Variants in PLXNA3 observed in about 807,000 individuals in gnomAD.
The protein encoded by PLXNA3 is plexin-A3.
Under a neutral mutation model 118.8 loss-of-function variants are expected in PLXNA3, and 52 were observed. That is an observed-to-expected ratio of 0.44 (90% CI 0.35 to 0.55). The LOEUF (loss-of-function observed/expected upper bound fraction) is 0.55. Among genes scored for constraint, PLXNA3 ranks in the 20% least tolerant of loss-of-function variants. The pLI, the probability that PLXNA3 is intolerant of heterozygous loss-of-function variation, is 0.01. For missense variants in PLXNA3, 1,660 were observed against 1,730.8 expected (o/e 0.96, Z 0.73); for synonymous variants, 925 against 762.4 (o/e 1.21, Z -3.51).
Position 154,467,559 on chromosome X carries a change from T to G in PLXNA3, c.3456T>G (p.Ile1152Met). The G allele has an allele frequency of 5.1e-6, 6 of 1,183,257 alleles. No individual in the cohort carries two copies. The highest frequency in any genetic ancestry group is 6.8e-6 in the Non-Finnish European group (6 of 881,735). ...TCCACCCCCAGGGCAAGAACCTGAT[T>G]CCCGCTGCAGCCGGCAGCTCCCGCC... ...SHVVLKGKNL[I>M]PAAAGSSRLN... The change falls in exon 20 of 33, where the codon ATT (isoleucine) becomes ATG (methionine). Residue 1152 changes from isoleucine (I) to methionine (M), a missense_variant. Coordinates refer to ENST00000369682, the MANE Select transcript of PLXNA3 (RefSeq NM_017514.5).
chrX:154,470,583 G>A lies in PLXNA3; in HGVS notation c.5128G>A (p.Asp1710Asn). 8.3e-7 allele frequency: 1 copy of A among 1,211,147 alleles called. No homozygotes were observed. The highest frequency in any genetic ancestry group is 1.1e-6 in the Non-Finnish European group (1 of 895,188). Reference protein sequence around the residue: ...QADQRQISDPDVRHTWKSNCL... With the variant: ...QADQRQISDPNVRHTWKSNCL... ...GGACCAGCGCCAGATCAGCGACCCCGATGTGCGCCACACCTGGAAGAGCAA... is the reference window on the plus strand; with the variant it reads ...GGACCAGCGCCAGATCAGCGACCCCAATGTGCGCCACACCTGGAAGAGCAA... Residue 1710 changes from aspartate (D) to asparagine (N), a missense_variant, in exon 30 of 33, where the codon GAT becomes AAT. Coordinates refer to ENST00000369682, the MANE Select transcript of PLXNA3 (RefSeq NM_017514.5).
At chrX:154,466,310 T>G in intron 15 of PLXNA3, 40 bp downstream of exon 15, 1 of 1,210,049 alleles carries the variant, frequency 8.3e-7, no homozygotes, top group Non-Finnish European at 1.1e-6. Flanking sequence ...GTCCCTTCTC[T>G]CTCCCGCAAG....
intron 32 of PLXNA3, 130 bp downstream of exon 32, chrX:154,471,768 A>G: frequency 1.8e-6 from 1 of 563,389 alleles, no homozygotes; most frequent in Non-Finnish European, 2.8e-6. Context: ...GGGCCGGCAC[A>G]GGTGATGCTC....
chrX:154,470,704 C>T, intron 30 of PLXNA3, 93 bp downstream of exon 30: 1 of 873,534 alleles, frequency 1.1e-6, no homozygotes, highest in East Asian at 3.1e-5. Flanking sequence ...CCTGGAGTAG[C>T]ATCCAGGCAG....
Position 154,461,408 on chromosome X carries a change from C to G in PLXNA3, c.904C>G (p.Leu302Val), listed in dbSNP as rs781976200. The G allele has an allele frequency of 8.3e-7, 1 of 1,211,612 alleles. No individual in the cohort carries two copies. Among genetic ancestry groups the G allele is most frequent in the Non-Finnish European group, 1.1e-6 (1 of 895,161 alleles). Reference protein sequence around the residue: ...VQSAHLAKPGLLLAQALGVPA... With the variant: ...VQSAHLAKPGVLLAQALGVPA... ...GAGCGCCCACCTGGCCAAGCCTGGC[C>G]TGCTGCTGGCCCAGGCCCTGGGCGT... The change falls in exon 3 of 33, where the codon CTG becomes GTG. Residue 302 changes from leucine to valine, a missense_variant. By Grantham distance (32) the Leu-to-Val change is conservative (BLOSUM62 1). This residue lies in a region of PLXNA3 where 791 missense variants were observed against 652.1 expected (regional missense o/e 1.21). Coordinates refer to ENST00000369682, the MANE Select transcript of PLXNA3 (RefSeq NM_017514.5).
chrX:154,460,823 T>A (rs189856273), intron 2 of PLXNA3, 46 bp downstream of exon 2: 1 of 950,599 alleles, frequency 1.1e-6, no homozygotes. Flanking sequence ...GTCCTGGCTC[T>A]GCCTCCCAGA....
chrX:154,466,108 C>T, intron 14 of PLXNA3, 28 bp downstream of exon 14: 2 of 1,209,431 alleles, frequency 1.7e-6, no homozygotes, highest in Non-Finnish European at 2.2e-6. Context: ...GGTGCCCGGG[C>T]CGTATGTGGC....
rs372617580 is a variant in PLXNA3 at position 154,464,776 on chromosome X, C to T, written c.1951C>T (p.Pro651Ser). Residue 651 changes from proline to serine, a missense_variant, in exon 10 of 33, where the codon CCT becomes TCT. Physicochemically the swap from Pro to Ser is moderately conservative, Grantham distance 74. Around this residue, in one of 2 missense-constraint regions of PLXNA3, gnomAD observed 791 missense variants for 652.1 expected, o/e 1.21. Coordinates refer to ENST00000369682, the MANE Select transcript of PLXNA3 (RefSeq NM_017514.5). ...CAGGTGCATGTCCTGTGTTGGCAGCCCTTACCCCTGCCACTGGTGTAAGTA... is the reference window on the plus strand; with the variant it reads ...CAGGTGCATGTCCTGTGTTGGCAGCTCTTACCCCTGCCACTGGTGTAAGTA... ...LQSCMSCVGS[P>S]YPCHWCKYRH... is the part of the protein sequence containing the mutation. 3 of 1,196,730 alleles carry T rather than the reference C, an allele frequency of 2.5e-6. No individual in the cohort carries two copies. The East Asian group carries it at 9.0e-5, about 36-fold the overall frequency.
chrX:154,459,655 A>G, intron 1 of PLXNA3, among the ~76,000 whole-genome samples: 1 of 112,287 alleles, frequency 8.9e-6, no homozygotes, highest in East Asian at 2.8e-4. Context: ...CCTGCAGGGG[A>G]CATGGTGGTG....
intron 11 of PLXNA3, 97 bp downstream of exon 11, chrX:154,465,315 A>G: frequency 9.6e-7 from 1 of 1,046,511 alleles, no homozygotes; most frequent in African/African-American, 1.8e-5. Flanking sequence ...GAACTGTCTG[A>G]GTCTCCTGCT....
rs782514704 is a variant in PLXNA3, at chrX:154,469,163, G to A, written c.4542G>A (p.Val1514=). The stretch of plus-strand genomic sequence containing the variant: ...CCAAAGATAAGCTGCTGGACACTGT[G>A]TACAAGGGCATTCCGTACTCCCAGC... ...TQAKDKLLDT[V]YKGIPYSQRP... Residue 1514 remains valine (V), a synonymous_variant, in exon 26 of 33, where the codon GTG becomes GTA. Coordinates refer to ENST00000369682, the MANE Select transcript of PLXNA3 (RefSeq NM_017514.5). 2.5e-5 allele frequency: 30 copies of A among 1,210,219 alleles called. No homozygotes were observed. The South Asian group carries it at 4.4e-4, about 18-fold the overall frequency.
In PLXNA3 at chrX:154,472,674, A is replaced by T. The variant is rs782227302; in HGVS notation, c.5605A>T (p.Ser1869Cys). Reference protein sequence around the residue: ...KLEQIISLVSSDS With the variant: ...KLEQIISLVSCDS ...GGAACAGATCATCAGCCTCGTGTCC[A>T]GCGACAGCTAAGGTGGTGGAATCGG... is the stretch of plus-strand genomic sequence containing the variant. The change falls in exon 33 of 33, where the codon AGC becomes TGC. Residue 1869 changes from serine to cysteine, a missense_variant. By Grantham distance (112) the Ser-to-Cys change is moderately radical. This residue lies in a region of PLXNA3 where 869 missense variants were observed against 1,078.7 expected (regional missense o/e 0.81). Coordinates refer to ENST00000369682, the MANE Select transcript of PLXNA3 (RefSeq NM_017514.5). 15 of 1,192,395 alleles carry T rather than the reference A, an allele frequency of 1.3e-5. No individual in the cohort carries two copies. The highest frequency in any genetic ancestry group is 1.0e-5 in the Non-Finnish European group (9 of 877,825).
intron 9 of PLXNA3, 22 bp downstream of exon 9, chrX:154,464,523 G>A (rs371813373): frequency 7.6e-5 from 88 of 1,155,179 alleles, no homozygotes; most frequent in Admixed American, 1.5e-4. Context: ...GCCAGCACCC[G>A]TCCCTACCCC....
At chrX:154,471,360 C>T in intron 31 of PLXNA3, 43 bp downstream of exon 31, 1 of 1,174,086 alleles carries the variant, frequency 8.5e-7, no homozygotes, top group Non-Finnish European at 1.2e-6. Context: ...CAGGACCTGC[C>T]CCTCCCTGGG....
intron 5 of PLXNA3, 30 bp downstream of exon 5, chrX:154,463,549 T>TGGGGGGGG: frequency 1.5e-6 from 1 of 687,898 alleles, no homozygotes; most frequent in East Asian, 4.3e-5. Flanking sequence ...CGGTGGGTGG[T>TGGGGGGGG]GGGGCGGGGG....
Position 154,472,745 on chromosome X carries a change from A to G in PLXNA3, c.*60A>G. On this transcript the variant is annotated 3_prime_UTR_variant, in exon 33 of 33. Coordinates refer to ENST00000369682, the MANE Select transcript of PLXNA3 (RefSeq NM_017514.5). ...CCTGTGCCGTCCTCCCATCCAGGGG[A>G]GTGGCTGGCTCAAGCCTGGGTCCCC... is the stretch of plus-strand genomic sequence containing the variant. 1.1e-6 allele frequency: 1 copy of G among 902,231 alleles called. No individual in the cohort carries two copies. The highest frequency in any genetic ancestry group is 2.0e-5 in the South Asian group (1 of 49,369). 74.4% of individuals were successfully genotyped at this position (902,231 alleles called of 1,213,427 possible).
chrX:154,463,783 G>A lies in PLXNA3; in HGVS notation c.1547+93G>A, dbSNP rs1037529023. 1.2e-4 allele frequency: 116 copies of A among 955,849 alleles called. 1 individual carries two copies. In the South Asian group the frequency reaches 1.3e-3, roughly 10 times the overall value. The allele number at this position is 955,849 out of a possible 1,213,427, so 78.8% of individuals were successfully genotyped here. On this transcript the variant is annotated intron_variant, in intron 6 of 32. Transcript: ENST00000369682. ...AGCCGTGCCCTTGCGGCCTCCCCCC[G>A]CCCTCCTCCACTTTCTCCAGCTAAT...
In PLXNA3 at chrX:154,469,405, A is replaced by G. The variant is rs1557208607; in HGVS notation, c.4621A>G (p.Ile1541Val). 3.3e-6 allele frequency: 4 copies of G among 1,207,538 alleles called. No homozygotes were observed. The African/African-American group carries it at 7.0e-5, about 21-fold the overall frequency. The change falls in exon 27 of 33, where the codon ATC (isoleucine) becomes GTC (valine). Residue 1541 changes from isoleucine to valine, a missense_variant. Coordinates refer to ENST00000369682, the MANE Select transcript of PLXNA3 (RefSeq NM_017514.5). ...GTGGCGCCAGGGCCGCATGACTCGCATCATCCTCCAGGATGAGGATGTCAC... is the reference window on the plus strand; with the variant it reads ...GTGGCGCCAGGGCCGCATGACTCGCGTCATCCTCCAGGATGAGGATGTCAC... ...LEWRQGRMTR[I>V]ILQDEDVTTK...
Position 154,476,739 on chromosome X carries a change from A to T in PLXNA3, c.*4054A>T, listed in dbSNP as rs1360881750. The T allele has an allele frequency of 8.9e-6, 1 of 111,985 alleles. No homozygotes were observed. The highest frequency in any genetic ancestry group is 1.9e-5 in the Non-Finnish European group (1 of 53,204). The allele number at this position is 111,985 out of a possible 1,213,427, so 9.2% of individuals were successfully genotyped here. A position where few individuals can be genotyped will look rare whatever the true frequency, so the allele number is the denominator to read the frequency against. ...AGACAAAATATATGGAATGCAGAGT[A>T]TTAAAAAACTGGCTGTGGGCCAGTG... is the stretch of plus-strand genomic sequence containing the variant. On this transcript the variant is annotated 3_prime_UTR_variant, in exon 33 of 33. Transcript: ENST00000369682.
Sources: gnomAD v4.1 joint callset for allele counts (sites outside exome capture counted in the v4.1 genomes callset) on GRCh38, gnomAD v4.1.1 for gene constraint, gnomAD v4.1.1 regional missense constraint, MANE v1.5 for transcripts, NCBI Gene and HGNC (gene_info 2026-07-23, HGNC 2026-07-21) for gene names.